Variants in GLRA3 observed in about 807,000 individuals in gnomAD.
GLRA3 encodes glycine receptor subunit alpha-3.
A neutral mutation model predicts 60.4 loss-of-function variants in GLRA3; 44 were observed. That is an observed-to-expected ratio of 0.73 (90% CI 0.57 to 0.94). GLRA3 has a LOEUF of 0.94. Ranked by LOEUF, GLRA3 falls within the 40% of genes least tolerant of loss-of-function variation. The probability of loss-of-function intolerance (pLI) is 0.00; values close to 1 mark genes in which losing one functional copy is unlikely to be tolerated. For synonymous variants in GLRA3, 223 were observed against 192.9 expected, an observed-to-expected ratio of 1.16 and a Z score of -1.29; for missense variants, 508 against 564.6, an observed-to-expected ratio of 0.90 and a Z score of 1.02.
chr4:174,788,689 T>C, intron 2 of GLRA3, 127 bp downstream of exon 2: 1 of 526,638 alleles, frequency 1.9e-6, no homozygotes, highest in Non-Finnish European at 3.1e-6. Flanking sequence ...GACACCTTGG[T>C]GACTAATGCA....
intron 5 of GLRA3, among the ~76,000 whole-genome samples, chr4:174,703,641 T>C (rs1735406631): frequency 6.6e-6 from 1 of 152,180 alleles, no homozygotes; most frequent in Non-Finnish European, 1.5e-5. Flanking sequence ...CACAGATTTG[T>C]GGTCTTCTAT....
intron 1 of GLRA3, among the ~76,000 whole-genome samples, chr4:174,820,886 A>G (rs1247674432): frequency 4.6e-5 from 7 of 151,364 alleles, no homozygotes; most frequent in Non-Finnish European, 1.5e-5. Flanking sequence ...TTGTTGCCAC[A>G]GTTAGCTGAC....
chr4:174,669,765 A>G (rs1166823718), intron 7 of GLRA3, among the ~76,000 whole-genome samples: 1 of 152,084 alleles, frequency 6.6e-6, no homozygotes, highest in Non-Finnish European at 1.5e-5. Context: ...TGTGGAGACA[A>G]GAGTCTCACT....
At chr4:174,749,565 T>C (rs1309475913) in intron 3 of GLRA3, among the ~76,000 whole-genome samples, 1 of 152,082 alleles carries the variant, frequency 6.6e-6, no homozygotes, top group Non-Finnish European at 1.5e-5. Context: ...AACCAAGTAT[T>C]GAAAGCCATA....
intron 3 of GLRA3, among the ~76,000 whole-genome samples, chr4:174,732,923 A>G (rs1459498416): frequency 6.6e-6 from 1 of 152,160 alleles, no homozygotes; most frequent in African/African-American, 2.4e-5. Flanking sequence ...CTGGGGAATG[A>G]GATAGTGAAT....
chr4:174,700,363 C>T (rs753542891), intron 5 of GLRA3, among the ~76,000 whole-genome samples: 5 of 152,144 alleles, frequency 3.3e-5, no homozygotes, highest in Non-Finnish European at 1.5e-5. Flanking sequence ...TATTTCAGTA[C>T]TTGTCATAAT....
chr4:174,643,279 G>T lies in GLRA3; in HGVS notation c.*507C>A. ...CAAAATTACATATGTTGTTTAAATAGTATTTATATGTACAATCCTCCATTA... is the reference window on the plus strand; with the variant it reads ...CAAAATTACATATGTTGTTTAAATATTATTTATATGTACAATCCTCCATTA... On this transcript the variant is annotated 3_prime_UTR_variant, in exon 10 of 10. Coordinates refer to ENST00000274093, the MANE Select transcript of GLRA3 (RefSeq NM_006529.4). 1.6e-6 allele frequency: 1 copy of T among 637,024 alleles called. No homozygotes were observed. The highest frequency in any genetic ancestry group is 1.9e-6 in the Non-Finnish European group (1 of 519,068). 39.5% of individuals were successfully genotyped at this position (637,024 alleles called of 1,614,324 possible). A position where few individuals can be genotyped will look rare whatever the true frequency, so the allele number is the denominator to read the frequency against.
At chr4:174,679,771 C>T (rs137877439) in intron 6 of GLRA3, among the ~76,000 whole-genome samples, 252 of 152,234 alleles carry the variant, frequency 1.7e-3, no homozygotes, top group African/African-American at 5.6e-3. Flanking sequence ...CATAGAAAGA[C>T]AATATCACAT....
intron 7 of GLRA3, among the ~76,000 whole-genome samples, chr4:174,673,130 C>G (rs1003170018): frequency 1.3e-5 from 2 of 151,936 alleles, no homozygotes. Context: ...GGGTAGGTCT[C>G]TAATAGGAAT....
intron 4 of GLRA3, chr4:174,722,624 T>C (rs991289401): frequency 6.4e-6 from 1 of 155,088 alleles, no homozygotes; most frequent in Non-Finnish European, 1.5e-5. Flanking sequence ...TAACGACATT[T>C]TTATTCTTTA....
chr4:174,677,961 G>A lies in GLRA3; in HGVS notation c.713-669C>T, dbSNP rs186315232. Among the ~76,000 whole-genome samples, 90 of 152,182 alleles carry A rather than the reference G, an allele frequency of 5.9e-4. 3 individuals are homozygous for A. In the Middle Eastern group the frequency reaches 0.027, roughly 46 times the overall value. Reference sequence around the variant, plus strand: ...TCTTCTTTACTCATAGACTGTTTCTGGTGTTTTGAGTGCTTCTTTAGAGCC... The same window carrying A: ...TCTTCTTTACTCATAGACTGTTTCTAGTGTTTTGAGTGCTTCTTTAGAGCC... On this transcript the variant is annotated intron_variant, in intron 6 of 9. Transcript: ENST00000274093.
At chr4:174,776,077 C>G (rs1365617736) in intron 2 of GLRA3, among the ~76,000 whole-genome samples, 1 of 152,094 alleles carries the variant, frequency 6.6e-6, no homozygotes, top group African/African-American at 2.4e-5. Flanking sequence ...TCTGCTTCCC[C>G]TCTGTATTTC....
intron 3 of GLRA3, among the ~76,000 whole-genome samples, chr4:174,738,540 G>C (rs2111163279): frequency 6.6e-6 from 1 of 152,278 alleles, no homozygotes; most frequent in East Asian, 1.9e-4. Flanking sequence ...GTAAACTTGA[G>C]GAAATTCATA....
At chr4:174,788,788 C>T in intron 2 of GLRA3, 28 bp downstream of exon 2, 1 of 1,518,284 alleles carries the variant, frequency 6.6e-7, no homozygotes, top group Non-Finnish European at 9.0e-7. Flanking sequence ...TTAAAACACA[C>T]ATATAAAGTA....
intron 3 of GLRA3, among the ~76,000 whole-genome samples, chr4:174,754,671 A>G (rs1737619687): frequency 1.3e-5 from 2 of 152,176 alleles, no homozygotes. Context: ...AAAAGGACCA[A>G]TGGCACATTT....
intron 3 of GLRA3, among the ~76,000 whole-genome samples, chr4:174,732,337 GA>G (rs1217957303): frequency 1.3e-5 from 2 of 148,658 alleles, no homozygotes; most frequent in African/African-American, 5.0e-5. Flanking sequence ...CCTGGCGACA[GA>G]GCGAGACTCC....
intron 1 of GLRA3, among the ~76,000 whole-genome samples, chr4:174,796,518 T>C (rs553733975): frequency 2.6e-5 from 4 of 152,100 alleles, no homozygotes; most frequent in Admixed American, 6.6e-5. Flanking sequence ...AAAGCATTTT[T>C]ACATAGTCTA....
chr4:174,772,974 A>G (rs998549707), intron 2 of GLRA3, among the ~76,000 whole-genome samples: 12 of 152,182 alleles, frequency 7.9e-5, no homozygotes, highest in African/African-American at 2.4e-4. Context: ...TGCACATGAG[A>G]TTAGTGCAGC....
chr4:174,758,523 A>T (rs1007438763), intron 3 of GLRA3, among the ~76,000 whole-genome samples: 2 of 152,180 alleles, frequency 1.3e-5, no homozygotes, highest in African/African-American at 4.8e-5. Flanking sequence ...AATCTAGAGG[A>T]TCCTGTGGAA....
Sources: gnomAD v4.1 joint callset for allele counts (sites outside exome capture counted in the v4.1 genomes callset) on GRCh38, gnomAD v4.1.1 for gene constraint, MANE v1.5 for transcripts, NCBI Gene and HGNC (gene_info 2026-07-23, HGNC 2026-07-21) for gene names.